Variants in AFF1 observed in about 807,000 individuals in gnomAD.
AFF1 encodes the protein ALF transcription elongation factor 1.
A neutral mutation model predicts 121.7 loss-of-function variants in AFF1; 48 were observed. That is an observed-to-expected ratio of 0.39 (90% confidence interval 0.31 to 0.50). The LOEUF is 0.50. Ranked by LOEUF, AFF1 falls within the 20% of genes least tolerant of loss-of-function variation. AFF1 has a pLI of 0.76. For synonymous variants in AFF1, 613 were observed against 563.0 expected (o/e 1.09, Z -1.26); for missense variants, 1,523 against 1,511.7 (o/e 1.01, Z -0.12).
intron 2 of AFF1, among the ~76,000 whole-genome samples, chr4:86,982,951 TA>T (rs1379291914): frequency 6.6e-6 from 1 of 151,816 alleles, no homozygotes; most frequent in Admixed American, 6.6e-5. Context: ...AGTGAGCCTT[TA>T]CCAGACACTG....
At chr4:87,076,159 C>T (rs1301588967) in intron 4 of AFF1, among the ~76,000 whole-genome samples, 1 of 152,086 alleles carries the variant, frequency 6.6e-6, no homozygotes, top group Non-Finnish European at 1.5e-5. Context: ...TTCTAGGTTC[C>T]CCCAATAGGA....
In AFF1 at chr4:86,944,373, G is replaced by GT. The variant is rs201558786; in HGVS notation, c.-36-4111dup. Among the ~76,000 whole-genome samples, 731 of 148,740 alleles carry GT rather than the reference G, an allele frequency of 4.9e-3. 13 individuals are homozygous for GT. Among genetic ancestry groups the GT allele is most frequent in the African/African-American group, 0.017 (685 of 40,126 alleles). ...CCTTAAGAAGAATAATTTTCTGGAG[G>GT]TTTTTTTTTTTTTTGGACAGTCTTG... On this transcript the variant is annotated intron_variant, in intron 1 of 20. Coordinates refer to ENST00000395146, the MANE Select transcript of AFF1 (RefSeq NM_001166693.3).
chr4:87,095,027 T>C, intron 8 of AFF1, 58 bp downstream of exon 8: 1 of 1,472,012 alleles, frequency 6.8e-7, no homozygotes, highest in Non-Finnish European at 9.5e-7. Flanking sequence ...TAATGTCTCA[T>C]GTCAATGCAT....
intron 2 of AFF1, among the ~76,000 whole-genome samples, chr4:87,026,738 G>C (rs1001788517): frequency 3.9e-5 from 6 of 152,110 alleles, no homozygotes; most frequent in Non-Finnish European, 5.9e-5. Context: ...AGAAATAATG[G>C]GCGAAGGGAG....
intron 1 of AFF1, among the ~76,000 whole-genome samples, chr4:86,941,474 C>T (rs1434134353): frequency 2.0e-5 from 3 of 152,094 alleles, no homozygotes; most frequent in African/African-American, 4.8e-5. Context: ...GCCTGGCCAA[C>T]GTGATGAAAC....
At chr4:87,128,796 A>G (rs1728545123) in intron 16 of AFF1, among the ~76,000 whole-genome samples, 1 of 152,236 alleles carries the variant, frequency 6.6e-6, no homozygotes, top group Middle Eastern at 3.2e-3. Context: ...CCCTGTTCCT[A>G]AAACTGCGCT....
chr4:87,007,204 A>G, intron 2 of AFF1: 2 of 1,427,216 alleles, frequency 1.4e-6, no homozygotes, highest in Non-Finnish European at 1.8e-6. Context: ...GTCCATCAGG[A>G]TTAGCGCGAG....
chr4:87,109,928 C>T (rs569336459), intron 11 of AFF1, among the ~76,000 whole-genome samples: 2 of 152,248 alleles, frequency 1.3e-5, no homozygotes, highest in East Asian at 3.9e-4. Flanking sequence ...GCTTATCCTC[C>T]TGGGAATATT....
At position 86,982,870 on chromosome 4, in the gene AFF1, AAAAAAG is replaced by A. The variant is rs1237426204; in HGVS notation, c.38+34300_38+34305del. Among the ~76,000 whole-genome samples, 36 of 146,872 alleles carry A rather than the reference AAAAAAG, an allele frequency of 2.5e-4. No homozygotes were observed. In the East Asian group the frequency reaches 5.7e-3, roughly 23 times the overall value. On this transcript the variant is annotated intron_variant, in intron 2 of 20. Coordinates refer to ENST00000395146, the MANE Select transcript of AFF1 (RefSeq NM_001166693.3). ...CTCCAAAAAAAAAAAAAAAAAAAAA[AAAAAAG>A]GAAGCTTGTTTGCCCCTTCCACTGT...
rs342467 is a variant in AFF1, at chr4:87,131,067, T to C, written c.2965-16T>C. 0.6 allele frequency: 967,614 copies of C among 1,612,464 alleles called. 292,096 individuals are homozygous for C. The highest frequency in any genetic ancestry group is 0.69 in the Admixed American group (41,236 of 59,712). On this transcript the variant is annotated splice_polypyrimidine_tract_variant and intron_variant, in intron 16 of 20. Transcript: ENST00000395146. Reference sequence around the variant, plus strand: ...TTTGTCTTCAGCCTAACAATGACCATGTTCTTCTCCTGCAGACGGACAGGG... The same window carrying C: ...TTTGTCTTCAGCCTAACAATGACCACGTTCTTCTCCTGCAGACGGACAGGG...
rs569577993 is a variant in AFF1 at position 87,063,228 on chromosome 4, C to CTTTTTTTTTTTTTTTTTTTTTTTTTTT, written c.1059+15636_1059+15662dup. On this transcript the variant is annotated intron_variant, in intron 4 of 20. Transcript: ENST00000395146. The stretch of plus-strand genomic sequence containing the variant: ...ATGTATAAGCATAGTAGATTCACCT[C>CTTTTTTTTTTTTTTTTTTTTTTTTTTT]TTTTTTTTTTTTTTTTTTTTTTTTT... Among the ~76,000 whole-genome samples, 13 of 44,436 alleles carry CTTTTTTTTTTTTTTTTTTTTTTTTTTT rather than the reference C, an allele frequency of 2.9e-4. 3 individuals carry two copies. The highest frequency in any genetic ancestry group is 8.3e-4 in the East Asian group (1 of 1,202). The allele number at this position is 44,436 out of a possible 152,430, so 29.2% of individuals were successfully genotyped here. A position where few individuals can be genotyped will look rare whatever the true frequency, so the allele number is the denominator to read the frequency against.
In AFF1 at chr4:87,127,143, G is replaced by A. The variant is rs771595094; in HGVS notation, c.2903+26G>A. On this transcript the variant is annotated intron_variant, in intron 15 of 20. Coordinates refer to ENST00000395146, the MANE Select transcript of AFF1 (RefSeq NM_001166693.3). Reference sequence around the variant, plus strand: ...GTAAGACTTCAGATGATTTCTTCTTGCTCTGTTTTGTTTTGTTTTGCTTCC... The same window carrying A: ...GTAAGACTTCAGATGATTTCTTCTTACTCTGTTTTGTTTTGTTTTGCTTCC... 2.0e-5 allele frequency: 30 copies of A among 1,521,846 alleles called. No homozygotes were observed. In the South Asian group the frequency reaches 2.5e-4, roughly 12 times the overall value. 94.3% of individuals were successfully genotyped at this position (1,521,846 alleles called of 1,614,324 possible). A position where few individuals can be genotyped will look rare whatever the true frequency, so the allele number is the denominator to read the frequency against.
chr4:87,079,066 G>A (rs529375373), intron 4 of AFF1, among the ~76,000 whole-genome samples: 199 of 152,276 alleles, frequency 1.3e-3, no homozygotes, highest in Non-Finnish European at 2.1e-3. Flanking sequence ...AAGATTCAGC[G>A]CCAGTCTTCA....
chr4:87,008,302 C>G (rs1470840530), intron 2 of AFF1, among the ~76,000 whole-genome samples: 1 of 152,126 alleles, frequency 6.6e-6, no homozygotes, highest in Non-Finnish European at 1.5e-5. Flanking sequence ...TTTGGGAGGT[C>G]TCAGAAGACT....
At chr4:86,972,958 G>C (rs1723047088) in intron 2 of AFF1, among the ~76,000 whole-genome samples, 1 of 152,200 alleles carries the variant, frequency 6.6e-6, no homozygotes, top group Non-Finnish European at 1.5e-5. Flanking sequence ...AGCTGATCTA[G>C]GTTAGGGCTA....
At position 87,028,220 on chromosome 4, in the gene AFF1, T is replaced by C. The variant is rs145575652; in HGVS notation, c.39-17946T>C. Among the ~76,000 whole-genome samples the C allele has an allele frequency of 3.4e-4, 52 of 152,324 alleles. No individual in the cohort carries two copies. The East Asian group carries it at 6.9e-3, about 20-fold the overall frequency. ...TTGCTGTGTCCATCCATTAATGTAT[T>C]TTTATACTTCTTATATAAGTTGTGG... is the stretch of plus-strand genomic sequence containing the variant. On this transcript the variant is annotated intron_variant, in intron 2 of 20. Transcript: ENST00000395146.
chr4:86,971,736 A>G (rs1722961941), intron 2 of AFF1, among the ~76,000 whole-genome samples: 1 of 152,206 alleles, frequency 6.6e-6, no homozygotes, highest in Admixed American at 6.5e-5. Flanking sequence ...CTAATGTTAG[A>G]GTTGCAAGAT....
At chr4:87,031,251 C>CT (rs1729054218) in intron 2 of AFF1, among the ~76,000 whole-genome samples, 1 of 152,184 alleles carries the variant, frequency 6.6e-6, no homozygotes. Context: ...CCCCTACAAA[C>CT]TTAAGTGCTG....
intron 13 of AFF1, among the ~76,000 whole-genome samples, chr4:87,125,553 C>T (rs1273314515): frequency 1.3e-5 from 2 of 152,130 alleles, no homozygotes; most frequent in Non-Finnish European, 2.9e-5. Context: ...TTCAGTGCTC[C>T]TTCTTTTAGA....
Sources: gnomAD v4.1 joint callset for allele counts (sites outside exome capture counted in the v4.1 genomes callset) on GRCh38, gnomAD v4.1.1 for gene constraint, MANE v1.5 for transcripts, NCBI Gene and HGNC (gene_info 2026-07-23, HGNC 2026-07-21) for gene names.